TRA2B: variants seen among roughly 807,000 people sequenced by gnomAD.
TRA2B encodes transformer 2 beta homolog.
A neutral mutation model predicts 41.7 loss-of-function variants in TRA2B; 14 were observed. The observed-to-expected ratio is 0.34, with a 90% CI of 0.22 to 0.53. The LOEUF is 0.53. Among genes scored for constraint, TRA2B ranks in the 20% least tolerant of loss-of-function variants. The probability of loss-of-function intolerance (pLI) is 0.95; values close to 1 mark genes in which losing one functional copy is unlikely to be tolerated. For synonymous variants in TRA2B, 130 were observed against 128.8 expected, an observed-to-expected ratio of 1.01 and a Z score of -0.06; for missense variants, 167 against 396.8, an observed-to-expected ratio of 0.42 and a Z score of 4.92.
In TRA2B at chr3:185,924,147, G is replaced by A. The variant is rs1415729993; in HGVS notation, c.334-163C>T. On this transcript the variant is annotated intron_variant, in intron 3 of 8. Coordinates refer to ENST00000453386, the MANE Select transcript of TRA2B (RefSeq NM_004593.3). Reference sequence around the variant, plus strand: ...TACAAAATTACAGCAAGTACTACAAGTATTTTTGGGAATGGGTAGGAAAGA... The same window carrying A: ...TACAAAATTACAGCAAGTACTACAAATATTTTTGGGAATGGGTAGGAAAGA... 5 of 524,322 alleles carry A rather than the reference G, an allele frequency of 9.5e-6. No individual in the cohort carries two copies. In the South Asian group the frequency reaches 1.5e-4, roughly 16 times the overall value. The allele number at this position is 524,322 out of a possible 1,614,324, so 32.5% of individuals were successfully genotyped here.
chr3:185,920,608 G>A (rs1002966914), intron 6 of TRA2B, among the ~76,000 whole-genome samples: 1 of 151,778 alleles, frequency 6.6e-6, no homozygotes, highest in African/African-American at 2.4e-5. Context: ...ACAGTGGAGT[G>A]CAGTGGTGCA....
At chr3:185,924,082 G>T in intron 3 of TRA2B, 98 bp from the exon 4 acceptor site, 1 of 1,039,984 alleles carries the variant, frequency 9.6e-7, no homozygotes, top group Non-Finnish European at 1.4e-6. Context: ...TCACTAACAA[G>T]AAAAGTACAT....
At chr3:185,925,066 A>T (rs1046828994) in intron 3 of TRA2B, 2 of 154,344 alleles carry the variant, frequency 1.3e-5, no homozygotes, top group Non-Finnish European at 2.9e-5. Flanking sequence ...TGCCTTAACA[A>T]CACCCAAAAG....
chr3:185,926,910 T>TA, intron 1 of TRA2B, 176 bp from the exon 2 acceptor site: 1 of 696,998 alleles, frequency 1.4e-6, no homozygotes, highest in Non-Finnish European at 2.3e-6. Flanking sequence ...CCAAATGACA[T>TA]AAGTCAATTA....
Position 185,914,757 on chromosome 3 carries a change from C to T in TRA2B, c.*2958G>A, listed in dbSNP as rs1043724057. Among the ~76,000 whole-genome samples, 2 of 147,630 alleles carry T rather than the reference C, an allele frequency of 1.4e-5. No individual in the cohort carries two copies. The highest frequency in any genetic ancestry group is 2.6e-5 in the African/African-American group (1 of 38,486). Reference sequence around the variant, plus strand: ...TGGCATGCTGAAGGAATATTGGAGGCGTGTCCACTGCTAATAAATCCAGCC... The same window carrying T: ...TGGCATGCTGAAGGAATATTGGAGGTGTGTCCACTGCTAATAAATCCAGCC... On this transcript the variant is annotated 3_prime_UTR_variant, in exon 9 of 9. Transcript: ENST00000453386.
chr3:185,930,618 A>T (rs946367038), intron 1 of TRA2B, among the ~76,000 whole-genome samples: 1 of 152,146 alleles, frequency 6.6e-6, no homozygotes, highest in Non-Finnish European at 1.5e-5. Context: ...TATTTTTGAT[A>T]TGTGTACTTG....
chr3:185,918,462 C>G, intron 7 of TRA2B, 24 bp from the exon 8 acceptor site: 1 of 1,562,086 alleles, frequency 6.4e-7, no homozygotes, highest in Non-Finnish European at 8.8e-7. Flanking sequence ...TCAAGATTGT[C>G]TAAGTCTCAA....
intron 3 of TRA2B, chr3:185,924,820 A>T (rs1743881960): frequency 6.6e-6 from 1 of 152,210 alleles, no homozygotes; most frequent in African/African-American, 2.4e-5. Context: ...TCAAAAAAAG[A>T]TGACAAGAGG....
intron 1 of TRA2B, chr3:185,937,405 T>G (rs904206237): frequency 5.0e-6 from 5 of 1,008,152 alleles, no homozygotes; most frequent in Non-Finnish European, 5.9e-6. Flanking sequence ...CGGGTCCGCG[T>G]TGCCGCGCGG....
chr3:185,936,515 C>T, intron 1 of TRA2B: 1 of 985,402 alleles, frequency 1.0e-6, no homozygotes, highest in Non-Finnish European at 1.2e-6. Context: ...GCAGGAAACT[C>T]ACGCTTCATC....
chr3:185,937,162 G>C (rs1744394420), intron 1 of TRA2B: 3 of 985,430 alleles, frequency 3.0e-6, no homozygotes. Flanking sequence ...GCTTCATTTA[G>C]GCCAAACACA....
intron 2 of TRA2B, among the ~76,000 whole-genome samples, chr3:185,925,860 ATTAC>A (rs1471984320): frequency 1.3e-5 from 2 of 152,346 alleles, no homozygotes; most frequent in South Asian, 2.1e-4. Flanking sequence ...TTAAAGACAT[ATTAC>A]TTATCTTTTA....
At chr3:185,918,914 C>T (rs1194911540) in intron 7 of TRA2B, among the ~76,000 whole-genome samples, 3 of 152,068 alleles carry the variant, frequency 2.0e-5, no homozygotes, top group African/African-American at 7.2e-5. Flanking sequence ...GCAGAGACTG[C>T]AGTGAGCTCA....
At position 185,921,909 on chromosome 3, in the gene TRA2B, G is replaced by A. The variant is rs928369645; in HGVS notation, c.638+102C>T. On this transcript the variant is annotated intron_variant, in intron 5 of 8. Coordinates refer to ENST00000453386, the MANE Select transcript of TRA2B (RefSeq NM_004593.3). ...GAGCATTTAATCAATCAACAGTCAA[G>A]TTTATGGCACAAACCTAAGTGCTGA... is the stretch of plus-strand genomic sequence containing the variant. The A allele has an allele frequency of 6.6e-6, 5 of 758,848 alleles. No individual in the cohort carries two copies. In the African/African-American group the frequency reaches 7.1e-5, roughly 11 times the overall value. The allele number at this position is 758,848 out of a possible 1,614,324, so 47.0% of individuals were successfully genotyped here.
intron 7 of TRA2B, 144 bp from the exon 8 acceptor site, chr3:185,918,582 G>A (rs1156908611): frequency 4.0e-6 from 2 of 501,480 alleles, no homozygotes; most frequent in Non-Finnish European, 7.0e-6. Context: ...TTTAAATCTT[G>A]AGAATGAAGC....
chr3:185,921,220 T>G (rs1553907335), intron 5 of TRA2B, 33 bp from the exon 6 acceptor site: 2 of 1,594,686 alleles, frequency 1.3e-6, no homozygotes. Context: ...GTGACCTCCC[T>G]TATCTTTCTG....
At chr3:185,921,252 T>TAG in intron 5 of TRA2B, 65 bp from the exon 6 acceptor site, 1 of 1,368,056 alleles carries the variant, frequency 7.3e-7, no homozygotes, top group Non-Finnish European at 1.0e-6. Flanking sequence ...TTATATCTAC[T>TAG]AGTAGGCCTT....
intron 1 of TRA2B, chr3:185,935,534 G>A: frequency 1.0e-6 from 1 of 985,468 alleles, no homozygotes; most frequent in Non-Finnish European, 1.2e-6. Context: ...GTGGGGCACA[G>A]AGGGGTGGGG....
chr3:185,923,727 A>G, intron 4 of TRA2B, 69 bp downstream of exon 4: 6 of 1,415,760 alleles, frequency 4.2e-6, no homozygotes, highest in Non-Finnish European at 5.7e-6. Flanking sequence ...TTATCCTAGC[A>G]ATTGGTCACT....
Sources: allele counts gnomAD v4.1 joint callset (sites outside exome capture counted in the v4.1 genomes callset), GRCh38; gene constraint gnomAD v4.1.1; transcripts MANE v1.5; gene names NCBI Gene and HGNC (gene_info 2026-07-23, HGNC 2026-07-21).